The following PKNOX2 variants were observed in gnomAD, a reference collection of about 807,000 sequenced individuals.
The protein encoded by PKNOX2 is PBX/knotted 1 homeobox 2.
In PKNOX2, 14 loss-of-function variants were observed where a neutral mutation model predicts 53.1. The ratio of observed to expected loss-of-function variants is 0.26; its 90% CI spans 0.17 to 0.41. The LOEUF is 0.41. Ranked by LOEUF, PKNOX2 falls within the 10% of genes least tolerant of loss-of-function variation. The pLI is 1.00. For missense variants in PKNOX2, 496 were observed against 602.8 expected (o/e 0.82, Z 1.85); for synonymous variants, 257 against 242.8 (o/e 1.06, Z -0.54).
At chr11:125,416,070 G>A (rs964141776) in intron 10 of PKNOX2, among the ~76,000 whole-genome samples, 1 of 151,958 alleles carries the variant, frequency 6.6e-6, no homozygotes, top group Non-Finnish European at 1.5e-5. Context: ...TTGGGAGGCC[G>A]AGGCGGGCGG....
chr11:125,410,135 G>A (rs1955413743), intron 7 of PKNOX2, 61 bp from the exon 8 acceptor site: 1 of 1,588,122 alleles, frequency 6.3e-7, no homozygotes, highest in Admixed American at 1.7e-5. Flanking sequence ...AGAGGACTCT[G>A]GGGCTGTAGG....
intron 2 of PKNOX2, among the ~76,000 whole-genome samples, chr11:125,247,678 A>G (rs141097734): frequency 6.6e-6 from 1 of 152,214 alleles, no homozygotes; most frequent in African/African-American, 2.4e-5. Flanking sequence ...CTCCCTCTCT[A>G]GTTTCCAGGG....
intron 1 of PKNOX2, among the ~76,000 whole-genome samples, chr11:125,220,365 C>T (rs868415755): frequency 1.3e-5 from 2 of 152,136 alleles, no homozygotes; most frequent in East Asian, 1.9e-4. Flanking sequence ...CTGCCGAGAG[C>T]GGCTGATTTC....
intron 2 of PKNOX2, among the ~76,000 whole-genome samples, chr11:125,254,553 G>A (rs1165984451): frequency 6.6e-6 from 1 of 152,214 alleles, no homozygotes; most frequent in Non-Finnish European, 1.5e-5. Context: ...TCTATACAAT[G>A]AAGAGAACAG....
chr11:125,330,635 T>C (rs1346361490), intron 2 of PKNOX2, among the ~76,000 whole-genome samples: 1 of 152,012 alleles, frequency 6.6e-6, no homozygotes, highest in African/African-American at 2.4e-5. Flanking sequence ...CAAACCTCCC[T>C]CAGGATCCCA....
intron 2 of PKNOX2, chr11:125,330,381 T>C (rs142517673): frequency 6.6e-6 from 1 of 152,388 alleles, no homozygotes; most frequent in East Asian, 1.9e-4. Context: ...TGGACCACGA[T>C]GACGCCTGTG....
chr11:125,365,019 A>G (rs1952113771), intron 4 of PKNOX2, among the ~76,000 whole-genome samples: 1 of 152,050 alleles, frequency 6.6e-6, no homozygotes, highest in African/African-American at 2.4e-5. Flanking sequence ...TTGGAAAGGT[A>G]TTATTTAGGT....
chr11:125,422,397 TGAGA>T lies in PKNOX2; in HGVS notation c.937-6613_937-6610del, dbSNP rs946184291. On this transcript the variant is annotated intron_variant, in intron 10 of 12. Coordinates refer to ENST00000298282, the MANE Select transcript of PKNOX2 (RefSeq NM_001382323.2). The surrounding 1 kb of genome is among the most constrained non-coding windows in gnomAD (Gnocchi z 4.1). ...AGACCTCAGACTCCTGCCTGTGGGG[TGAGA>T]GTGTTTTCTCCACCCATCCTTCGCT... is the stretch of plus-strand genomic sequence containing the variant. Among the ~76,000 whole-genome samples, 2 of 152,044 alleles carry T rather than the reference TGAGA, an allele frequency of 1.3e-5. No homozygotes were observed. The highest frequency in any genetic ancestry group is 2.9e-5 in the Non-Finnish European group (2 of 67,992).
intron 7 of PKNOX2, among the ~76,000 whole-genome samples, chr11:125,401,804 C>T (rs748883952): frequency 1.3e-5 from 2 of 149,900 alleles, no homozygotes; most frequent in African/African-American, 5.0e-5. Flanking sequence ...TGTGTGCACA[C>T]GCGGGCACAT....
chr11:125,338,800 A>T (rs1950543134), intron 3 of PKNOX2, among the ~76,000 whole-genome samples: 1 of 152,138 alleles, frequency 6.6e-6, no homozygotes, highest in South Asian at 2.1e-4. Flanking sequence ...CTAGCATGAG[A>T]GATGATGTCC....
intron 6 of PKNOX2, among the ~76,000 whole-genome samples, chr11:125,388,853 A>C (rs899189683): frequency 6.6e-6 from 1 of 152,196 alleles, no homozygotes. Context: ...CTGCTCCCAC[A>C]GCACCCCTAC....
intron 2 of PKNOX2, among the ~76,000 whole-genome samples, chr11:125,312,353 A>G (rs928855121): frequency 6.6e-6 from 1 of 152,182 alleles, no homozygotes; most frequent in South Asian, 2.1e-4. Flanking sequence ...CAAGAGGCAA[A>G]AGGAGAGTGT....
intron 1 of PKNOX2, among the ~76,000 whole-genome samples, chr11:125,222,171 C>CT (rs1457226152): frequency 6.6e-6 from 1 of 152,206 alleles, no homozygotes; most frequent in African/African-American, 2.4e-5. Context: ...AATGAGGAAG[C>CT]TGAGCCCACA....
chr11:125,404,962 C>T (rs1035348443), intron 7 of PKNOX2, among the ~76,000 whole-genome samples: 5 of 152,212 alleles, frequency 3.3e-5, no homozygotes, highest in South Asian at 2.1e-4. Context: ...CCCCCACCCG[C>T]CCCGAGCCCA....
At position 125,229,559 on chromosome 11, in the gene PKNOX2, G is replaced by A. The variant is rs140808460; in HGVS notation, c.-200-5486G>A. ...GCCAGTCAATAAGGAGTCGTGGAAG[G>A]GTACTAAAGGAGACATGGACAGATG... On this transcript the variant is annotated intron_variant, in intron 1 of 12. Transcript: ENST00000298282. Among the ~76,000 whole-genome samples the A allele has an allele frequency of 3.5e-3, 531 of 152,286 alleles. 5 individuals are homozygous for A. The highest frequency in any genetic ancestry group is 0.012 in the African/African-American group (493 of 41,546).
chr11:125,274,959 G>A (rs1314272791), intron 2 of PKNOX2, among the ~76,000 whole-genome samples: 2 of 152,278 alleles, frequency 1.3e-5, no homozygotes, highest in East Asian at 1.9e-4. Flanking sequence ...GCCATAAATC[G>A]CTTCCTTCAG....
chr11:125,217,377 G>T (rs957280007), intron 1 of PKNOX2, among the ~76,000 whole-genome samples: 2 of 152,162 alleles, frequency 1.3e-5, no homozygotes, highest in African/African-American at 2.4e-5. Context: ...AAGAACTCAG[G>T]CAGGAGCCCA....
intron 6 of PKNOX2, among the ~76,000 whole-genome samples, chr11:125,393,264 T>A (rs943045543): frequency 1.3e-5 from 2 of 151,978 alleles, no homozygotes; most frequent in African/African-American, 4.8e-5. Flanking sequence ...ACTTGTTGAA[T>A]GAATAAAATT....
chr11:125,192,593 T>C (rs891054671), intron 1 of PKNOX2, among the ~76,000 whole-genome samples: 2 of 152,142 alleles, frequency 1.3e-5, no homozygotes, highest in Non-Finnish European at 2.9e-5. Flanking sequence ...AACAATGAAA[T>C]AGTAACAGCC....
Sources: gnomAD v4.1 joint callset for allele counts (sites outside exome capture counted in the v4.1 genomes callset) on GRCh38, gnomAD v4.1.1 for gene constraint, Gnocchi (gnomAD v3.1) non-coding constraint, MANE v1.5 for transcripts, NCBI Gene and HGNC (gene_info 2026-07-23, HGNC 2026-07-21) for gene names.